ATP2B2: variants seen among roughly 807,000 people sequenced by gnomAD.
The protein encoded by ATP2B2 is ATPase plasma membrane Ca2+ transporting 2, also known as plasma membrane calcium-transporting ATPase 2.
Under a neutral mutation model 120.0 loss-of-function variants are expected in ATP2B2, and 15 were observed. The ratio of observed to expected loss-of-function variants is 0.12; its 90% CI spans 0.08 to 0.19. The LOEUF is 0.19. Among genes scored for constraint, ATP2B2 ranks in the 10% least tolerant of loss-of-function variants. The pLI is 1.00. For missense variants in ATP2B2, 1,045 were observed against 1,719.8 expected, an observed-to-expected ratio of 0.61 and a Z score of 6.94; for synonymous variants, 694 against 700.3, an observed-to-expected ratio of 0.99 and a Z score of 0.14.
chr3:10,385,154 C>T (rs2061637257), intron 8 of ATP2B2, 114 bp downstream of exon 8: 4 of 1,056,812 alleles, frequency 3.8e-6, no homozygotes, highest in African/African-American at 3.1e-5. Context: ...TCCCAGCGGC[C>T]CATGCACATC....
chr3:10,381,023 T>C (rs1303946173), intron 8 of ATP2B2, among the ~76,000 whole-genome samples: 1 of 152,234 alleles, frequency 6.6e-6, no homozygotes, highest in African/African-American at 2.4e-5. Flanking sequence ...GCAGCCTGAA[T>C]TTAGGAGCAT....
intron 2 of ATP2B2, among the ~76,000 whole-genome samples, 179 bp from the exon 3 acceptor site, chr3:10,410,994 C>T (rs948070129): frequency 1.6e-4 from 24 of 152,200 alleles, no homozygotes; most frequent in Non-Finnish European, 2.5e-4. Context: ...CCAGAGACAC[C>T]GTGCAGTGGG....
intron 1 of ATP2B2, among the ~76,000 whole-genome samples, chr3:10,472,005 C>A (rs12637300): frequency 6.8e-6 from 1 of 146,816 alleles, no homozygotes; most frequent in Non-Finnish European, 1.5e-5. Flanking sequence ...GGCGTGAACC[C>A]GGGAGGCGGA....
At chr3:10,388,443 G>A in intron 5 of ATP2B2, 41 bp from the exon 6 acceptor site, 1 of 1,613,854 alleles carries the variant, frequency 6.2e-7, no homozygotes, top group Non-Finnish European at 8.5e-7. Flanking sequence ...TTGCATGGTT[G>A]AAGCCGTCTC....
At chr3:10,368,160 C>A (rs150286204) in intron 12 of ATP2B2, among the ~76,000 whole-genome samples, 1 of 151,842 alleles carries the variant, frequency 6.6e-6, no homozygotes, top group Non-Finnish European at 1.5e-5. Flanking sequence ...TCTTGTAGAC[C>A]TTGCAATCTA....
intron 1 of ATP2B2, among the ~76,000 whole-genome samples, chr3:10,485,429 G>A (rs1489622852): frequency 1.3e-5 from 2 of 152,196 alleles, no homozygotes. Flanking sequence ...AAAAGGAGGT[G>A]GGGGATTGCG....
intron 1 of ATP2B2, among the ~76,000 whole-genome samples, chr3:10,480,964 C>T (rs1334280211): frequency 2.0e-5 from 3 of 152,250 alleles, no homozygotes; most frequent in Non-Finnish European, 4.4e-5. Context: ...TCTCACACCA[C>T]TATCTGCTCC....
chr3:10,657,447 C>T (rs144461761), intron 1 of ATP2B2, among the ~76,000 whole-genome samples: 66 of 152,360 alleles, frequency 4.3e-4, no homozygotes, highest in African/African-American at 1.4e-3. Flanking sequence ...GGAGGCAAAT[C>T]ATGACAGGTC....
chr3:10,397,390 T>C (rs1484745956), intron 5 of ATP2B2, among the ~76,000 whole-genome samples: 2 of 152,058 alleles, frequency 1.3e-5, no homozygotes, highest in African/African-American at 4.8e-5. Flanking sequence ...GTCGACAAAT[T>C]TTGTTCTTCA....
chr3:10,493,737 AC>A (rs1223264136), intron 1 of ATP2B2, among the ~76,000 whole-genome samples: 1 of 152,218 alleles, frequency 6.6e-6, no homozygotes, highest in African/African-American at 2.4e-5. Flanking sequence ...GAAAACAAAC[AC>A]AAACACAAAA....
chr3:10,556,989 T>C (rs189233587), intron 2 of ATP2B2, among the ~76,000 whole-genome samples: 228 of 152,312 alleles, frequency 1.5e-3, no homozygotes, highest in Non-Finnish European at 2.5e-3. Flanking sequence ...ATATTTCAGT[T>C]CATGCTTTTT....
rs186724493 is a variant in ATP2B2 at position 10,635,603 on chromosome 3, C to T, written c.-459-15642G>A. On this transcript the variant is annotated intron_variant, in intron 1 of 21. Transcript: ENST00000646379. The surrounding 1 kb of genome is among the most constrained non-coding windows in gnomAD (Gnocchi z 4.3). ...AGAAGCAGCTGCCTAGAATGATCTG[C>T]CACAATTTGGCCCTAGTGGAAAATT... 1.3e-5 allele frequency among the ~76,000 whole-genome samples: 2 copies of T among 152,262 alleles called. No individual in the cohort carries two copies. Among genetic ancestry groups the T allele is most frequent in the Admixed American group, 1.3e-4 (2 of 15,296 alleles).
At chr3:10,637,291 T>G (rs1055091166) in intron 1 of ATP2B2, among the ~76,000 whole-genome samples, 15 of 152,140 alleles carry the variant, frequency 9.9e-5, no homozygotes, top group Admixed American at 2.6e-4. Flanking sequence ...TTACCAGGTA[T>G]GCAAAGAATC....
chr3:10,379,333 G>A (rs746346140), intron 8 of ATP2B2, 49 bp from the exon 9 acceptor site: 155 of 1,598,760 alleles, frequency 9.7e-5, no homozygotes, highest in Non-Finnish European at 1.3e-4. Context: ...ACAACACATG[G>A]TCGGTCATCA....
At chr3:10,481,578 C>A (rs1304504270) in intron 1 of ATP2B2, among the ~76,000 whole-genome samples, 1 of 152,148 alleles carries the variant, frequency 6.6e-6, no homozygotes, top group Non-Finnish European at 1.5e-5. Context: ...TTTTGAGACA[C>A]AGTCTCGCTC....
chr3:10,616,396 C>G (rs1559488491), intron 2 of ATP2B2, among the ~76,000 whole-genome samples: 2 of 152,146 alleles, frequency 1.3e-5, no homozygotes, highest in African/African-American at 4.8e-5. Context: ...AGGAAACCAG[C>G]CCTGCCAACA....
chr3:10,662,268 G>A (rs1427646409), intron 1 of ATP2B2, among the ~76,000 whole-genome samples: 1 of 151,898 alleles, frequency 6.6e-6, no homozygotes, highest in African/African-American at 2.4e-5. Flanking sequence ...AAGAGCTTCT[G>A]CACAGCAAAA....
At chr3:10,484,821 C>A (rs765699577) in intron 1 of ATP2B2, among the ~76,000 whole-genome samples, 4 of 152,240 alleles carry the variant, frequency 2.6e-5, no homozygotes, top group Non-Finnish European at 5.9e-5. Context: ...GAAGGAGAAG[C>A]AATGAGTCTG....
intron 8 of ATP2B2, among the ~76,000 whole-genome samples, chr3:10,379,942 G>A (rs2061486335): frequency 6.6e-6 from 1 of 152,130 alleles, no homozygotes; most frequent in Non-Finnish European, 1.5e-5. Flanking sequence ...CTTGCCCAAT[G>A]CCCCTGAGAG....
Sources: gnomAD v4.1 joint callset for allele counts (sites outside exome capture counted in the v4.1 genomes callset) on GRCh38, gnomAD v4.1.1 for gene constraint, Gnocchi (gnomAD v3.1) non-coding constraint, MANE v1.5 for transcripts, NCBI Gene and HGNC (gene_info 2026-07-23, HGNC 2026-07-21) for gene names.